CRPPA: variants seen among roughly 807,000 people sequenced by gnomAD.
The protein encoded by CRPPA is CDP-L-ribitol pyrophosphorylase A, also known as D-ribitol-5-phosphate cytidylyltransferase.
A neutral mutation model predicts 52.0 loss-of-function variants in CRPPA; 43 were observed. The ratio of observed to expected loss-of-function variants is 0.83; its 90% CI spans 0.65 to 1.07. The LOEUF (loss-of-function observed/expected upper bound fraction) is 1.07. Ranked by LOEUF, CRPPA falls within the 50% of genes least tolerant of loss-of-function variation. The pLI is 0.00. For synonymous variants in CRPPA, 250 were observed against 203.5 expected (o/e 1.23, Z -1.94); for missense variants, 629 against 551.7 (o/e 1.14, Z -1.40).
intron 9 of CRPPA, among the ~76,000 whole-genome samples, chr7:16,211,584 A>G (rs565612814): frequency 5.3e-5 from 8 of 152,228 alleles, no homozygotes; most frequent in East Asian, 1.9e-4. Flanking sequence ...ACCATAAAAA[A>G]AAACAGTGTT....
chr7:16,250,154 C>T (rs774601376), intron 8 of CRPPA, among the ~76,000 whole-genome samples: 19 of 151,902 alleles, frequency 1.3e-4, no homozygotes, highest in Admixed American at 4.6e-4. Context: ...TGAAATAAAG[C>T]GAGAAGACAA....
intron 3 of CRPPA, among the ~76,000 whole-genome samples, chr7:16,359,370 G>A (rs1184591041): frequency 1.3e-5 from 2 of 152,184 alleles, no homozygotes; most frequent in African/African-American, 4.8e-5. Context: ...GTGATCACAA[G>A]TACTGTCGTC....
At chr7:16,171,379 T>A (rs1319467087) in intron 9 of CRPPA, among the ~76,000 whole-genome samples, 2 of 152,220 alleles carry the variant, frequency 1.3e-5, no homozygotes, top group Non-Finnish European at 2.9e-5. Flanking sequence ...TGCTTTTAAA[T>A]GTATCTTGTT....
intron 2 of CRPPA, among the ~76,000 whole-genome samples, chr7:16,382,965 A>G (rs959912750): frequency 6.6e-6 from 1 of 152,070 alleles, no homozygotes; most frequent in South Asian, 2.1e-4. Flanking sequence ...GAGTAGTTTG[A>G]TCATCTGAAG....
At chr7:16,144,856 G>A (rs1035364711) in intron 9 of CRPPA, among the ~76,000 whole-genome samples, 1 of 152,122 alleles carries the variant, frequency 6.6e-6, no homozygotes, top group African/African-American at 2.4e-5. Flanking sequence ...GCGCTGTCAG[G>A]TAAAATACCT....
chr7:16,161,259 G>A (rs1432696324), intron 9 of CRPPA, among the ~76,000 whole-genome samples: 9 of 152,114 alleles, frequency 5.9e-5, no homozygotes, highest in Non-Finnish European at 1.2e-4. Context: ...CTTGTCTTCT[G>A]CCGGTTTTCA....
At chr7:16,208,445 T>G (rs2128395328) in intron 9 of CRPPA, among the ~76,000 whole-genome samples, 1 of 152,280 alleles carries the variant, frequency 6.6e-6, no homozygotes, top group East Asian at 1.9e-4. Context: ...TAAAAAAAAT[T>G]GCAGTCTGTA....
chr7:16,283,740 T>A (rs1431481253), intron 5 of CRPPA, among the ~76,000 whole-genome samples: 1 of 151,820 alleles, frequency 6.6e-6, no homozygotes, highest in East Asian at 1.9e-4. Flanking sequence ...ACTTTGATAT[T>A]TCTGATATAA....
At chr7:16,347,164 C>A (rs1263745624) in intron 3 of CRPPA, among the ~76,000 whole-genome samples, 1 of 151,914 alleles carries the variant, frequency 6.6e-6, no homozygotes, top group Non-Finnish European at 1.5e-5. Flanking sequence ...CCCCATTTAT[C>A]AGACAAGGAA....
At chr7:16,328,628 C>G (rs1451407006) in intron 3 of CRPPA, among the ~76,000 whole-genome samples, 1 of 152,160 alleles carries the variant, frequency 6.6e-6, no homozygotes, top group African/African-American at 2.4e-5. Context: ...GATTCTCCTG[C>G]CTCAGCCTCC....
intron 3 of CRPPA, among the ~76,000 whole-genome samples, chr7:16,359,148 G>T (rs968257913): frequency 6.6e-6 from 1 of 152,102 alleles, no homozygotes; most frequent in African/African-American, 2.4e-5. Flanking sequence ...TTGAGACAGA[G>T]TCTCCCTCTG....
At chr7:16,301,264 C>T (rs1157872499) in intron 5 of CRPPA, among the ~76,000 whole-genome samples, 157 bp downstream of exon 5, 3 of 152,170 alleles carry the variant, frequency 2.0e-5, no homozygotes, top group Non-Finnish European at 2.9e-5. Flanking sequence ...TAGCATGAAA[C>T]ACATAAAATG....
chr7:16,373,473 A>G (rs960035436), intron 3 of CRPPA, among the ~76,000 whole-genome samples: 12 of 152,204 alleles, frequency 7.9e-5, no homozygotes, highest in Non-Finnish European at 1.6e-4. Context: ...TGCTAAGAAG[A>G]AGACAGATAC....
intron 3 of CRPPA, among the ~76,000 whole-genome samples, chr7:16,324,689 A>G (rs146611854): frequency 6.6e-6 from 1 of 152,350 alleles, no homozygotes; most frequent in Non-Finnish European, 1.5e-5. Flanking sequence ...AATCACTAAC[A>G]TCATTATCTG....
At chr7:16,195,569 G>T (rs1020164207) in intron 9 of CRPPA, among the ~76,000 whole-genome samples, 3 of 151,318 alleles carry the variant, frequency 2.0e-5, no homozygotes, top group Non-Finnish European at 4.4e-5. Flanking sequence ...CTGGCCAGAA[G>T]ATAGAGTCTA....
At chr7:16,261,304 C>T (rs1583474861) in intron 6 of CRPPA, among the ~76,000 whole-genome samples, 2 of 152,206 alleles carry the variant, frequency 1.3e-5, no homozygotes, top group African/African-American at 2.4e-5. Context: ...AGACACTGCA[C>T]TCTTAATGAC....
intron 3 of CRPPA, among the ~76,000 whole-genome samples, chr7:16,372,007 A>T (rs1186202479): frequency 6.6e-6 from 1 of 151,746 alleles, no homozygotes; most frequent in Non-Finnish European, 1.5e-5. Flanking sequence ...CAATCAGACG[A>T]AGTAAAAAAA....
intron 3 of CRPPA, 46 bp downstream of exon 3, chr7:16,376,046 G>A (rs1786872096): frequency 6.5e-7 from 1 of 1,530,224 alleles, no homozygotes; most frequent in Non-Finnish European, 8.8e-7. Flanking sequence ...GGTTGTTTGG[G>A]GAACCTGACA....
intron 8 of CRPPA, among the ~76,000 whole-genome samples, chr7:16,248,750 A>G (rs943719872): frequency 2.6e-5 from 4 of 152,174 alleles, no homozygotes; most frequent in Non-Finnish European, 4.4e-5. Flanking sequence ...GAGCTGAAGA[A>G]GGGTGGGGCG....
Sources: allele counts gnomAD v4.1 joint callset (sites outside exome capture counted in the v4.1 genomes callset), GRCh38; gene constraint gnomAD v4.1.1; transcripts MANE v1.5; gene names NCBI Gene and HGNC (gene_info 2026-07-23, HGNC 2026-07-21).